The following CAMK1D variants were observed in gnomAD, a reference collection of about 807,000 sequenced individuals.
CAMK1D encodes the protein calcium/calmodulin dependent protein kinase ID, also known as calcium/calmodulin-dependent protein kinase type 1D.
A neutral mutation model predicts 47.7 loss-of-function variants in CAMK1D; 9 were observed. That is an observed-to-expected ratio of 0.19 (90% CI 0.11 to 0.33). CAMK1D has a LOEUF of 0.33. Ranked by LOEUF, CAMK1D falls within the 10% of genes least tolerant of loss-of-function variation. The pLI is 1.00. For missense variants in CAMK1D, 291 were observed against 488.7 expected, an observed-to-expected ratio of 0.60 and a Z score of 3.81; for synonymous variants, 184 against 184.9, an observed-to-expected ratio of 0.99 and a Z score of 0.04.
intron 1 of CAMK1D, among the ~76,000 whole-genome samples, chr10:12,538,379 C>G (rs1836047518): frequency 6.6e-6 from 1 of 152,108 alleles, no homozygotes; most frequent in African/African-American, 2.4e-5. Flanking sequence ...GGGAAGGGAA[C>G]AGTGACTGGA....
At chr10:12,615,548 GTA>G (rs1238413755) in intron 2 of CAMK1D, among the ~76,000 whole-genome samples, 5 of 150,076 alleles carry the variant, frequency 3.3e-5, no homozygotes, top group African/African-American at 1.0e-4. Flanking sequence ...GTGTACATGT[GTA>G]GTTATGTGTG....
chr10:12,672,902 T>TTTTTTTTGTTTTTTTTTTTTTTTG, intron 3 of CAMK1D, among the ~76,000 whole-genome samples: 1 of 147,632 alleles, frequency 6.8e-6, no homozygotes, highest in Non-Finnish European at 1.5e-5. Flanking sequence ...TTGCCTTTTT[T>TTTTTTTTGTTTTTTTTTTTTTTTG]TTTTTTTTTT....
intron 1 of CAMK1D, among the ~76,000 whole-genome samples, chr10:12,440,897 G>A (rs1483659206): frequency 6.6e-6 from 1 of 152,196 alleles, no homozygotes; most frequent in African/African-American, 2.4e-5. Flanking sequence ...GAAGCAGGGA[G>A]GTCACTCTCT....
chr10:12,575,925 G>A (rs767060263), intron 2 of CAMK1D, among the ~76,000 whole-genome samples: 10 of 152,184 alleles, frequency 6.6e-5, no homozygotes, highest in Non-Finnish European at 1.3e-4. Context: ...AAATGCAAGC[G>A]CAAGCACACA....
intron 3 of CAMK1D, among the ~76,000 whole-genome samples, chr10:12,682,105 A>G (rs1352496917): frequency 3.9e-5 from 6 of 152,200 alleles, no homozygotes; most frequent in Non-Finnish European, 8.8e-5. Context: ...CTGTAGTCCC[A>G]ACTACTCAGG....
chr10:12,828,505 G>A (rs537882626), intron 10 of CAMK1D, among the ~76,000 whole-genome samples: 2 of 152,248 alleles, frequency 1.3e-5, no homozygotes, highest in Non-Finnish European at 2.9e-5. Context: ...GCCCGGCGTG[G>A]TGGTGAGCCC....
intron 3 of CAMK1D, chr10:12,667,090 T>C: frequency 2.8e-6 from 1 of 352,174 alleles, no homozygotes; most frequent in Non-Finnish European, 5.1e-6. Flanking sequence ...TCTGTATTGC[T>C]TTCTAATATG....
At chr10:12,792,599 A>G (rs115269174) in intron 6 of CAMK1D, among the ~76,000 whole-genome samples, 1,657 of 152,268 alleles carry the variant, frequency 0.011, 33 homozygotes, top group African/African-American at 0.038. Context: ...CTACACCACC[A>G]CCACATTGGT....
At chr10:12,655,034 T>C (rs1840080861) in intron 2 of CAMK1D, among the ~76,000 whole-genome samples, 2 of 152,338 alleles carry the variant, frequency 1.3e-5, no homozygotes, top group East Asian at 1.9e-4. Context: ...GTATCTGAGC[T>C]TGAGACCCAT....
intron 1 of CAMK1D, among the ~76,000 whole-genome samples, chr10:12,399,029 G>A (rs1564314431): frequency 6.6e-6 from 1 of 152,202 alleles, no homozygotes; most frequent in Non-Finnish European, 1.5e-5. Flanking sequence ...AGTTGCTGCT[G>A]TTAGCCTTTT....
chr10:12,801,465 G>A (rs1050156758), intron 6 of CAMK1D, among the ~76,000 whole-genome samples: 16 of 136,202 alleles, frequency 1.2e-4, no homozygotes, highest in Non-Finnish European at 2.0e-4. Context: ...CTATCTATCC[G>A]TCATCTATCT....
At chr10:12,532,981 T>G in intron 1 of CAMK1D, among the ~76,000 whole-genome samples, 2 of 148,252 alleles carry the variant, frequency 1.3e-5, no homozygotes, top group South Asian at 2.2e-4. Context: ...GAAGTGGGGA[T>G]GGTTAATTGG....
intron 1 of CAMK1D, among the ~76,000 whole-genome samples, chr10:12,502,074 C>T (rs1173676143): frequency 6.6e-6 from 1 of 152,106 alleles, no homozygotes; most frequent in Admixed American, 6.5e-5. Context: ...AGGGCAGGCA[C>T]AGGCTCAGGG....
chr10:12,752,965 G>GCC (rs1836056993), intron 3 of CAMK1D, among the ~76,000 whole-genome samples: 1 of 152,202 alleles, frequency 6.6e-6, no homozygotes, highest in African/African-American at 2.4e-5. Flanking sequence ...AAAACAATTG[G>GCC]CCGGGCATGG....
At chr10:12,672,901 T>TTTTTTTTTGTTTTTTTTTTTTGTTTG (rs1428716127) in intron 3 of CAMK1D, among the ~76,000 whole-genome samples, 2 of 147,062 alleles carry the variant, frequency 1.4e-5, no homozygotes, top group African/African-American at 5.0e-5. Flanking sequence ...CTTGCCTTTT[T>TTTTTTTTTGTTTTTTTTTTTTGTTTG]TTTTTTTTTT....
chr10:12,379,973 G>A (rs1391562428), intron 1 of CAMK1D, among the ~76,000 whole-genome samples: 13 of 152,142 alleles, frequency 8.5e-5, no homozygotes, highest in Admixed American at 8.5e-4. Context: ...CCAGCACTTT[G>A]GGAGGCCGAG....
intron 2 of CAMK1D, among the ~76,000 whole-genome samples, chr10:12,629,347 T>C (rs1839313039): frequency 6.6e-6 from 1 of 152,246 alleles, no homozygotes; most frequent in Admixed American, 6.5e-5. Flanking sequence ...CAATCAACTT[T>C]GCACTCGATG....
intron 2 of CAMK1D, among the ~76,000 whole-genome samples, chr10:12,616,868 G>A (rs1380641971): frequency 6.6e-6 from 1 of 152,168 alleles, no homozygotes; most frequent in Admixed American, 6.5e-5. Context: ...GGCGGGAACC[G>A]AGGTGGTCTC....
chr10:12,497,335 G>A (rs1441873148), intron 1 of CAMK1D, among the ~76,000 whole-genome samples: 1 of 152,010 alleles, frequency 6.6e-6, no homozygotes, highest in Non-Finnish European at 1.5e-5. Flanking sequence ...AAATTAGCCT[G>A]GTGTGGTAGT....
Sources: gnomAD v4.1 joint callset for allele counts (sites outside exome capture counted in the v4.1 genomes callset) on GRCh38, gnomAD v4.1.1 for gene constraint, MANE v1.5 for transcripts, NCBI Gene and HGNC (gene_info 2026-07-23, HGNC 2026-07-21) for gene names.